Variants in ECM1 observed in about 807,000 individuals in gnomAD.
The protein encoded by ECM1 is secretory component p85.
In ECM1, 54 loss-of-function variants were observed where a neutral mutation model predicts 57.9. That is an observed-to-expected ratio of 0.93 (90% CI 0.75 to 1.17). The LOEUF (loss-of-function observed/expected upper bound fraction) is 1.17. Ranked by LOEUF, ECM1 falls within the 50% of genes most tolerant of loss-of-function variation. The pLI is 0.00. For missense variants in ECM1, 649 were observed against 688.1 expected (o/e 0.94, Z 0.64); for synonymous variants, 237 against 259.1 (o/e 0.91, Z 0.82).
chr1:150,511,013 G>A lies in ECM1; in HGVS notation c.523G>A (p.Asp175Asn). Residue 175 changes from aspartate to asparagine, a missense_variant, in exon 6 of 10, where the codon GAC becomes AAC. By Grantham distance (23) the Asp-to-Asn change is conservative (BLOSUM62 1). Transcript: ENST00000369047. ...CTTCCCCCCTGGGCGGCCTTCTCCA[G>A]ACAATCTGAACCAAATCTGCCTTCC... ...DGFPPGRPSP[D>N]NLNQICLPNR... 1.9e-6 allele frequency: 3 copies of A among 1,614,186 alleles called. No homozygotes were observed. Among genetic ancestry groups the A allele is most frequent in the Non-Finnish European group, 2.5e-6 (3 of 1,180,018 alleles).
In ECM1 at chr1:150,511,737, C is replaced by T. The variant is rs781194369; in HGVS notation, c.989C>T (p.Pro330Leu). Residue 330 changes from proline (P) to leucine (L), a missense_variant, in exon 7 of 10, where the codon CCC becomes CTC. Coordinates refer to ENST00000369047, the MANE Select transcript of ECM1 (RefSeq NM_004425.4). ...SVPRNLPATD[P>L]LQRELLALIQ... ...CCACGCAACCTGCCAGCTACTGACC[C>T]CCTACAAAGGGAGCTGCTGGCACTG... 2.5e-6 allele frequency: 4 copies of T among 1,614,092 alleles called. No homozygotes were observed. The highest frequency in any genetic ancestry group is 2.5e-6 in the Non-Finnish European group (3 of 1,179,990).
rs587750326 is a variant in ECM1, at chr1:150,509,869, C to T, written c.224-53C>T. On this transcript the variant is annotated intron_variant, in intron 3 of 9. Coordinates refer to ENST00000369047, the MANE Select transcript of ECM1 (RefSeq NM_004425.4). Reference sequence around the variant, plus strand: ...AGGGAAGAGGCCCTCGCCCCCACTCCCAGCCCTGGCTAGGAGAAAGGGTGG... The same window carrying T: ...AGGGAAGAGGCCCTCGCCCCCACTCTCAGCCCTGGCTAGGAGAAAGGGTGG... 3.1e-6 allele frequency: 5 copies of T among 1,613,986 alleles called. No individual in the cohort carries two copies. In the South Asian group the frequency reaches 5.5e-5, roughly 18 times the overall value.
chr1:150,512,698 A>T, intron 8 of ECM1, 27 bp from the exon 9 acceptor site: 1 of 1,613,012 alleles, frequency 6.2e-7, no homozygotes. Context: ...AAAGACCCTA[A>T]CCCCTGCCCC....
In ECM1 at chr1:150,509,567, A is replaced by G; in HGVS notation, c.107A>G (p.Glu36Gly). 1 of 1,614,132 alleles carries G rather than the reference A, an allele frequency of 6.2e-7. No individual in the cohort carries two copies. Among genetic ancestry groups the G allele is most frequent in the African/African-American group, 1.3e-5 (1 of 75,016 alleles). ...ACAGGACAGAGGCAGCTGAGGCCAG[A>G]GCACTTTCAAGAAGGTAAGAGTTTG... Reference protein sequence around the residue: ...TATGQRQLRPEHFQEVGYAAP... With the variant: ...TATGQRQLRPGHFQEVGYAAP... The change falls in exon 2 of 10, where the codon GAG becomes GGG. Residue 36 changes from glutamate (E) to glycine (G), a missense_variant. Glu to Gly is a moderately conservative substitution (Grantham distance 98). Transcript: ENST00000369047.
At chr1:150,509,510 A>T in intron 1 of ECM1, 21 bp from the exon 2 acceptor site, 1 of 1,614,048 alleles carries the variant, frequency 6.2e-7, no homozygotes, top group South Asian at 1.1e-5. Context: ...GTGGCCCCTG[A>T]CTTGCCCTTC....
chr1:150,509,392 C>G, intron 1 of ECM1, 139 bp from the exon 2 acceptor site: 1 of 878,560 alleles, frequency 1.1e-6, no homozygotes. Flanking sequence ...TTAGGGGACA[C>G]GGGGCAGGTG....
intron 5 of ECM1, 87 bp from the exon 6 acceptor site, chr1:150,510,789 C>A: frequency 1.4e-5 from 19 of 1,368,258 alleles, no homozygotes; most frequent in Non-Finnish European, 2.0e-5. Context: ...TTCTCCTCCA[C>A]CCCAGATTCT....
Position 150,508,143 on chromosome 1 carries a change from G to C in ECM1, c.-67G>C. The C allele has an allele frequency of 6.8e-7, 1 of 1,476,048 alleles. No individual in the cohort carries two copies. Among genetic ancestry groups the C allele is most frequent in the Non-Finnish European group, 9.5e-7 (1 of 1,055,316 alleles). 91.4% of individuals were successfully genotyped at this position (1,476,048 alleles called of 1,614,324 possible). The stretch of plus-strand genomic sequence containing the variant: ...AGCCACCAGACAAGCTTCAGTGGCC[G>C]GCCCTTCACATCCAGACTTGCCTGA... On this transcript the variant is annotated 5_prime_UTR_variant, in exon 1 of 10. Transcript: ENST00000369047.
intron 6 of ECM1, 113 bp downstream of exon 6, chr1:150,511,311 G>A: frequency 6.3e-7 from 1 of 1,587,930 alleles, no homozygotes; most frequent in Non-Finnish European, 8.6e-7. Context: ...CCCGTTCACT[G>A]GCCCTACCCT....
rs747078897 is a variant in ECM1, at chr1:150,511,848, G to A, written c.1083+17G>A. 1.0e-5 allele frequency: 16 copies of A among 1,587,938 alleles called. No individual in the cohort carries two copies. Among genetic ancestry groups the A allele is most frequent in the African/African-American group, 2.7e-5 (2 of 74,190 alleles). Reference sequence around the variant, plus strand: ...TGGAAGGCCGTAAGTGGGCGTCCCAGCCTCCCTGAGAGCCTGTTTGCCTGC... The same window carrying A: ...TGGAAGGCCGTAAGTGGGCGTCCCAACCTCCCTGAGAGCCTGTTTGCCTGC... On this transcript the variant is annotated intron_variant, in intron 7 of 9. Coordinates refer to ENST00000369047, the MANE Select transcript of ECM1 (RefSeq NM_004425.4).
In ECM1 at chr1:150,511,495, C is replaced by G; in HGVS notation, c.747C>G (p.Phe249Leu). 1 of 1,614,146 alleles carries G rather than the reference C, an allele frequency of 6.2e-7. No individual in the cohort carries two copies. The highest frequency in any genetic ancestry group is 8.5e-7 in the Non-Finnish European group (1 of 1,180,004). Residue 249 changes from phenylalanine to leucine, a missense_variant, in exon 7 of 10, where the codon TTC becomes TTG. By Grantham distance (22) the Phe-to-Leu change is conservative. Coordinates refer to ENST00000369047, the MANE Select transcript of ECM1 (RefSeq NM_004425.4). ...EAMSRFCEAE[F>L]SVKTRPHWCC... ...TGAGCCGATTCTGTGAGGCCGAGTT[C>G]TCGGTCAAGACCCGACCCCACTGGT...
At position 150,511,619 on chromosome 1, in the gene ECM1, A is replaced by G. The variant is rs1407031580; in HGVS notation, c.871A>G (p.Ile291Val). The change falls in exon 7 of 10, where the codon ATT (isoleucine) becomes GTT (valine). Residue 291 changes from isoleucine (I) to valine (V), a missense_variant. Physicochemically the swap from Ile to Val is conservative, Grantham distance 29 (BLOSUM62 3). Coordinates refer to ENST00000369047, the MANE Select transcript of ECM1 (RefSeq NM_004425.4). The part of the protein sequence containing the change: ...LRACPSHQPD[I>V]SSGLELPFPP... ...GGCCTGCCCCAGCCATCAGCCTGAT[A>G]TTTCCTCGGGTCTTGAGCTGCCTTT... 6.2e-7 allele frequency: 1 copy of G among 1,613,942 alleles called. No homozygotes were observed. Among genetic ancestry groups the G allele is most frequent in the African/African-American group, 1.3e-5 (1 of 74,876 alleles).
At position 150,511,552 on chromosome 1, in the gene ECM1, C is replaced by T; in HGVS notation, c.804C>T (p.Ser268=). The T allele has an allele frequency of 6.2e-7, 1 of 1,614,186 alleles. No homozygotes were observed. The highest frequency in any genetic ancestry group is 8.5e-7 in the Non-Finnish European group (1 of 1,180,032). Residue 268 remains serine, a synonymous_variant, in exon 7 of 10, where the codon TCC becomes TCT. Coordinates refer to ENST00000369047, the MANE Select transcript of ECM1 (RefSeq NM_004425.4). ...CGCGGCAGGGGGAGGCTCGGTTCTCCTGCTTCCAGGAGGAAGCTCCCCAGC... is the reference window on the plus strand; with the variant it reads ...CGCGGCAGGGGGAGGCTCGGTTCTCTTGCTTCCAGGAGGAAGCTCCCCAGC... ...CCTRQGEARF[S]CFQEEAPQPH... is the part of the protein sequence containing the mutation.
At position 150,513,551 on chromosome 1, in the gene ECM1, T is replaced by A. The variant is rs1670502250; in HGVS notation, c.*84T>A. On this transcript the variant is annotated 3_prime_UTR_variant, in exon 10 of 10. Coordinates refer to ENST00000369047, the MANE Select transcript of ECM1 (RefSeq NM_004425.4). ...GAACACTCATTACACTAAACACCTC[T>A]TGGATTTGGTGTCCTCATTGTCTAT... 3.2e-6 allele frequency: 4 copies of A among 1,239,750 alleles called. No individual in the cohort carries two copies. Among genetic ancestry groups the A allele is most frequent in the Middle Eastern group, 2.8e-4 (1 of 3,608 alleles). 76.8% of individuals were successfully genotyped at this position (1,239,750 alleles called of 1,614,324 possible).
Position 150,512,387 on chromosome 1 carries a change from G to T in ECM1, c.1119G>T (p.Glu373Asp). 1 of 1,613,262 alleles carries T rather than the reference G, an allele frequency of 6.2e-7. No homozygotes were observed. Among genetic ancestry groups the T allele is most frequent in the Non-Finnish European group, 8.5e-7 (1 of 1,179,888 alleles). Reference protein sequence around the residue: ...EDTLDKYCDREYAVKTHHHLC... With the variant: ...EDTLDKYCDRDYAVKTHHHLC... ...CCCTTGACAAATACTGTGACCGGGAGTATGCTGTGAAGACCCACCACCACT... is the reference window on the plus strand; with the variant it reads ...CCCTTGACAAATACTGTGACCGGGATTATGCTGTGAAGACCCACCACCACT... The change falls in exon 8 of 10, where the codon GAG becomes GAT. Residue 373 changes from glutamate (E) to aspartate (D), a missense_variant. Physicochemically the swap from Glu to Asp is conservative, Grantham distance 45. Coordinates refer to ENST00000369047, the MANE Select transcript of ECM1 (RefSeq NM_004425.4).
Position 150,509,952 on chromosome 1 carries a change from C to G in ECM1, c.254C>G (p.Pro85Arg), listed in dbSNP as rs189389940. The G allele has an allele frequency of 1.7e-5, 27 of 1,614,112 alleles. No individual in the cohort carries two copies. The highest frequency in any genetic ancestry group is 2.1e-5 in the Non-Finnish European group (25 of 1,180,042). ...CCCCCTCCCTCTCAGGAGGCCACCC[C>G]TCTCCAACAGGAAAAGCTGCTACCT... Reference protein sequence around the residue: ...VQPPPSQEATPLQQEKLLPAQ... With the variant: ...VQPPPSQEATRLQQEKLLPAQ... The change falls in exon 4 of 10, where the codon CCT (proline) becomes CGT (arginine). Residue 85 changes from proline (P) to arginine (R), a missense_variant. Pro to Arg is a moderately radical substitution (Grantham distance 103). Transcript: ENST00000369047.
intron 6 of ECM1, 120 bp downstream of exon 6, chr1:150,511,318 C>A: frequency 6.3e-7 from 1 of 1,580,350 alleles, no homozygotes; most frequent in Non-Finnish European, 8.7e-7. Flanking sequence ...ACTGGCCCTA[C>A]CCTGGGCCTC....
chr1:150,511,001 C>A lies in ECM1; in HGVS notation c.511C>A (p.Arg171=). Residue 171 remains arginine (R), a synonymous_variant, in exon 6 of 10, where the codon CGG becomes AGG. Coordinates refer to ENST00000369047, the MANE Select transcript of ECM1 (RefSeq NM_004425.4). ...GHRLDGFPPG[R]PSPDNLNQIC... The stretch of plus-strand genomic sequence containing the variant: ...CCGGCTGGATGGCTTCCCCCCTGGG[C>A]GGCCTTCTCCAGACAATCTGAACCA... The A allele has an allele frequency of 6.2e-7, 1 of 1,614,144 alleles. No homozygotes were observed. Among genetic ancestry groups the A allele is most frequent in the South Asian group, 1.1e-5 (1 of 91,088 alleles).
chr1:150,509,591 T>C lies in ECM1; in HGVS notation c.121+10T>C. Reference sequence around the variant, plus strand: ...GAGCACTTTCAAGAAGGTAAGAGTTTGGGGGAGCAGCATGGGATTGGGACT... The same window carrying C: ...GAGCACTTTCAAGAAGGTAAGAGTTCGGGGGAGCAGCATGGGATTGGGACT... On this transcript the variant is annotated intron_variant, in intron 2 of 9. Transcript: ENST00000369047. 1 of 1,614,052 alleles carries C rather than the reference T, an allele frequency of 6.2e-7. No individual in the cohort carries two copies. The highest frequency in any genetic ancestry group is 8.5e-7 in the Non-Finnish European group (1 of 1,180,002).
Sources: gnomAD v4.1 joint callset for allele counts on GRCh38, gnomAD v4.1.1 for gene constraint, MANE v1.5 for transcripts, NCBI Gene and HGNC (gene_info 2026-07-23, HGNC 2026-07-21) for gene names.